Variants in GTPBP8 observed in about 807,000 individuals in gnomAD.
GTPBP8 encodes the protein GTP-binding protein 8.
Under a neutral mutation model 27.3 loss-of-function variants are expected in GTPBP8, and 21 were observed. The ratio of observed to expected loss-of-function variants is 0.77; its 90% CI spans 0.55 to 1.11. GTPBP8 has a LOEUF of 1.11. Among genes scored for constraint, GTPBP8 ranks in the 50% least tolerant of loss-of-function variants. The probability of loss-of-function intolerance (pLI) is 0.00; values close to 1 mark genes in which losing one functional copy is unlikely to be tolerated. For missense variants in GTPBP8, 380 were observed against 350.8 expected, an observed-to-expected ratio of 1.08 and a Z score of -0.67; for synonymous variants, 147 against 135.3, an observed-to-expected ratio of 1.09 and a Z score of -0.60.
chr3:112,994,777 A>T (rs1165033060), intron 2 of GTPBP8, among the ~76,000 whole-genome samples: 1 of 152,210 alleles, frequency 6.6e-6, no homozygotes. Flanking sequence ...TACATTGTTC[A>T]TCAGAGAATA....
In GTPBP8 at chr3:113,000,946, A is replaced by C. The variant is rs763417932; in HGVS notation, c.*27A>C. On this transcript the variant is annotated 3_prime_UTR_variant, in exon 6 of 6. Coordinates refer to ENST00000383678, the MANE Select transcript of GTPBP8 (RefSeq NM_014170.4). ...GGTTCCCGGTTTAGCTGAAGATTCA[A>C]AAAAAAAAAAAAAAGCTTTATGCTA... is the stretch of plus-strand genomic sequence containing the variant. 4.0e-6 allele frequency: 2 copies of C among 503,348 alleles called. No individual in the cohort carries two copies. The highest frequency in any genetic ancestry group is 5.6e-6 in the Non-Finnish European group (2 of 354,378). 31.2% of individuals were successfully genotyped at this position (503,348 alleles called of 1,614,324 possible).
At chr3:112,995,618 CCTT>C (rs1041701402) in intron 3 of GTPBP8, among the ~76,000 whole-genome samples, 1 of 151,622 alleles carries the variant, frequency 6.6e-6, no homozygotes, top group Non-Finnish European at 1.5e-5. Flanking sequence ...ATCACTGCAA[CCTT>C]CTTCTCCAGA....
intron 3 of GTPBP8, among the ~76,000 whole-genome samples, chr3:112,995,667 G>A (rs1053438098): frequency 6.6e-6 from 1 of 151,924 alleles, no homozygotes. Context: ...CTCCTGAGTA[G>A]CTGAGACTAC....
Position 112,991,268 on chromosome 3 carries a change from G to T in GTPBP8, c.269G>T (p.Arg90Leu). Residue 90 changes from arginine (R) to leucine (L), a missense_variant, in exon 1 of 6, where the codon CGG becomes CTG. By Grantham distance (102) the Arg-to-Leu change is moderately radical. Coordinates refer to ENST00000383678, the MANE Select transcript of GTPBP8 (RefSeq NM_014170.4). ...GACAACATCTTCACGGCCACTGAAC[G>T]GAACCGCATCGACTACGTCAGCTCC... ...RADNIFTATE[R>L]NRIDYVSSAV... 6.2e-7 allele frequency: 1 copy of T among 1,613,882 alleles called. No homozygotes were observed. The highest frequency in any genetic ancestry group is 8.5e-7 in the Non-Finnish European group (1 of 1,180,038).
intron 3 of GTPBP8, among the ~76,000 whole-genome samples, chr3:112,996,189 C>T (rs539898874): frequency 9.5e-4 from 145 of 152,064 alleles, no homozygotes; most frequent in Non-Finnish European, 1.7e-3. Flanking sequence ...CCAGGCACGC[C>T]GGCTCACGCC....
At chr3:112,998,135 A>G (rs1028741462) in intron 4 of GTPBP8, among the ~76,000 whole-genome samples, 3 of 152,100 alleles carry the variant, frequency 2.0e-5, no homozygotes, top group African/African-American at 7.2e-5. Flanking sequence ...TCATACCACA[A>G]CAATTAACAC....
Position 112,991,055 on chromosome 3 carries a change from T to A in GTPBP8, c.56T>A (p.Val19Glu). The change falls in exon 1 of 6, where the codon GTG becomes GAG. Residue 19 changes from valine (V) to glutamate (E), a missense_variant. Coordinates refer to ENST00000383678, the MANE Select transcript of GTPBP8 (RefSeq NM_014170.4). The stretch of plus-strand genomic sequence containing the variant: ...GGAAGACTCTTTGAAATGCCTGCGG[T>A]GCTAGAGCGACTGAGCCGCTATAAT... Reference protein sequence around the residue: ...GAGRLFEMPAVLERLSRYNST... With the variant: ...GAGRLFEMPAELERLSRYNST... 6.2e-7 allele frequency: 1 copy of A among 1,613,376 alleles called. No individual in the cohort carries two copies. Among genetic ancestry groups the A allele is most frequent in the Non-Finnish European group, 8.5e-7 (1 of 1,179,752 alleles).
At chr3:112,993,272 G>A (rs1933719769) in intron 2 of GTPBP8, 148 bp downstream of exon 2, 1 of 583,388 alleles carries the variant, frequency 1.7e-6, no homozygotes, top group South Asian at 2.3e-5. Flanking sequence ...ACATCCTAAT[G>A]CCTGTGTATT....
At position 112,993,066 on chromosome 3, in the gene GTPBP8, T is replaced by C; in HGVS notation, c.377T>C (p.Leu126Pro). 1 of 1,611,662 alleles carries C rather than the reference T, an allele frequency of 6.2e-7. No individual in the cohort carries two copies. Among genetic ancestry groups the C allele is most frequent in the Non-Finnish European group, 8.5e-7 (1 of 1,178,172 alleles). Residue 126 changes from leucine to proline, a missense_variant, in exon 2 of 6, where the codon CTA becomes CCA. Transcript: ENST00000383678. Reference sequence around the variant, plus strand: ...AGAAGCAATGTTGGAAAATCATCTCTAATCAAGGCTTTATTTTCACTGGCC... The same window carrying C: ...AGAAGCAATGTTGGAAAATCATCTCCAATCAAGGCTTTATTTTCACTGGCC... The part of the protein sequence containing the change: ...IGRSNVGKSS[L>P]IKALFSLAPE...
chr3:112,991,422 C>G, intron 1 of GTPBP8, 87 bp downstream of exon 1: 1 of 1,238,888 alleles, frequency 8.1e-7, no homozygotes, highest in Non-Finnish European at 1.2e-6. Flanking sequence ...GGTGATTTTG[C>G]GGTTGTATTT....
At chr3:112,996,225 G>A (rs941139781) in intron 3 of GTPBP8, among the ~76,000 whole-genome samples, 1 of 152,032 alleles carries the variant, frequency 6.6e-6, no homozygotes. Context: ...TTGGGAGGCC[G>A]AGGTCGGCGG....
chr3:112,996,732 A>T (rs1933793992), intron 3 of GTPBP8, among the ~76,000 whole-genome samples, 160 bp from the exon 4 acceptor site: 1 of 152,224 alleles, frequency 6.6e-6, no homozygotes, highest in South Asian at 2.1e-4. Context: ...ACTGCAGGAT[A>T]AACTTCTGGC....
In GTPBP8 at chr3:113,000,899, G is replaced by A. The variant is rs779918051; in HGVS notation, c.835G>A (p.Val279Ile). 13 of 1,561,490 alleles carry A rather than the reference G, an allele frequency of 8.3e-6. No homozygotes were observed. Among genetic ancestry groups the A allele is most frequent in the Non-Finnish European group, 1.1e-5 (13 of 1,137,558 alleles). The part of the protein sequence containing the change: ...IHLLRCFIAS[V>I]TGSLD ...CCTGTTGAGATGCTTTATAGCCAGT[G>A]TAACAGGAAGTCTTGACTAATGGTT... The change falls in exon 6 of 6, where the codon GTA becomes ATA. Residue 279 changes from valine to isoleucine, a missense_variant. Coordinates refer to ENST00000383678, the MANE Select transcript of GTPBP8 (RefSeq NM_014170.4).
intron 4 of GTPBP8, among the ~76,000 whole-genome samples, chr3:112,998,173 G>A (rs1933823211): frequency 6.6e-6 from 1 of 151,996 alleles, no homozygotes; most frequent in African/African-American, 2.4e-5. Flanking sequence ...AAATGTGTAG[G>A]GGTTTTTGTC....
intron 2 of GTPBP8, among the ~76,000 whole-genome samples, chr3:112,994,198 C>T (rs1933741031): frequency 6.6e-6 from 1 of 152,114 alleles, no homozygotes; most frequent in Non-Finnish European, 1.5e-5. Context: ...CCGAGGCTGG[C>T]CAATCACCTG....
intron 4 of GTPBP8, among the ~76,000 whole-genome samples, chr3:112,998,929 AC>A (rs1933838953): frequency 6.6e-6 from 1 of 152,124 alleles, no homozygotes; most frequent in East Asian, 1.9e-4. Context: ...CCATACTTTG[AC>A]CTTTCTGCAC....
Position 112,996,875 on chromosome 3 carries a change from T to C in GTPBP8, c.567-17T>C, listed in dbSNP as rs756716643. ...TATTTTATATTGCCATTAATCTTCTTTTCTACATGCTTATAGCTTGAAGAG... is the reference window on the plus strand; with the variant it reads ...TATTTTATATTGCCATTAATCTTCTCTTCTACATGCTTATAGCTTGAAGAG... On this transcript the variant is annotated splice_polypyrimidine_tract_variant and intron_variant, in intron 3 of 5. Transcript: ENST00000383678. 1.2e-5 allele frequency: 14 copies of C among 1,165,354 alleles called. No homozygotes were observed. Among genetic ancestry groups the C allele is most frequent in the Admixed American group, 1.7e-5 (1 of 58,846 alleles). 72.2% of individuals were successfully genotyped at this position (1,165,354 alleles called of 1,614,324 possible).
Position 112,999,566 on chromosome 3 carries a change from T to C in GTPBP8, c.785+2T>C. On this transcript the variant is annotated splice_donor_variant, in intron 5 of 5. Transcript: ENST00000383678. LOFTEE classifies it high-confidence loss of function. The stretch of plus-strand genomic sequence containing the variant: ...TTTTCCTCAGTTGTTTCCTGTAAGG[T>C]AAGAGTTGAATTGTTTTGTTTTTTG... The C allele has an allele frequency of 8.9e-7, 1 of 1,125,404 alleles. No individual in the cohort carries two copies. The highest frequency in any genetic ancestry group is 1.3e-6 in the Non-Finnish European group (1 of 774,624). The allele number at this position is 1,125,404 out of a possible 1,614,324, so 69.7% of individuals were successfully genotyped here. A position where few individuals can be genotyped will look rare whatever the true frequency, so the allele number is the denominator to read the frequency against.
At position 112,999,565 on chromosome 3, in the gene GTPBP8, G is replaced by C; in HGVS notation, c.785+1G>C. The C allele has an allele frequency of 8.8e-7, 1 of 1,132,154 alleles. No individual in the cohort carries two copies. Among genetic ancestry groups the C allele is most frequent in the Non-Finnish European group, 1.3e-6 (1 of 781,006 alleles). The allele number at this position is 1,132,154 out of a possible 1,614,324, so 70.1% of individuals were successfully genotyped here. On this transcript the variant is annotated splice_donor_variant, in intron 5 of 5. Transcript: ENST00000383678. LOFTEE classifies it high-confidence loss of function. ...GTTTTCCTCAGTTGTTTCCTGTAAGGTAAGAGTTGAATTGTTTTGTTTTTT... is the reference window on the plus strand; with the variant it reads ...GTTTTCCTCAGTTGTTTCCTGTAAGCTAAGAGTTGAATTGTTTTGTTTTTT...
Sources: gnomAD v4.1 joint callset for allele counts (sites outside exome capture counted in the v4.1 genomes callset) on GRCh38, gnomAD v4.1.1 for gene constraint, MANE v1.5 for transcripts, NCBI Gene and HGNC (gene_info 2026-07-23, HGNC 2026-07-21) for gene names.